MYOCD: variants seen among roughly 807,000 people sequenced by gnomAD.
MYOCD encodes the protein myocardin.
In MYOCD, 32 loss-of-function variants were observed where a neutral mutation model predicts 96.1. That is an observed-to-expected ratio of 0.33 (90% CI 0.25 to 0.45). The LOEUF (loss-of-function observed/expected upper bound fraction) is 0.45, where lower values mean the gene tolerates loss of function less well. Among genes scored for constraint, MYOCD ranks in the 20% least tolerant of loss-of-function variants. The pLI is 1.00. For missense variants in MYOCD, 1,133 were observed against 1,200.6 expected, an observed-to-expected ratio of 0.94 and a Z score of 0.83; for synonymous variants, 469 against 469.0, an observed-to-expected ratio of 1.00 and a Z score of 0.00.
In MYOCD at chr17:12,665,947, G is replaced by A. The variant is rs1314363738; in HGVS notation, c.-242G>A. ...CGCCTGGGATGCCGCGCTGCTCCTG[G>A]CCAACCTCCGAGGAGGAGGAGGGTC... On this transcript the variant is annotated 5_prime_UTR_variant, in exon 1 of 14. It introduces an in-frame stop codon into an upstream open reading frame of the 5' UTR. Transcript: ENST00000425538. The surrounding 1 kb of genome is among the most constrained non-coding windows in gnomAD (Gnocchi z 4.2). 3.7e-6 allele frequency: 2 copies of A among 537,786 alleles called. No homozygotes were observed. Among genetic ancestry groups the A allele is most frequent in the Non-Finnish European group, 3.3e-6 (1 of 302,170 alleles). The allele number at this position is 537,786 out of a possible 1,614,324, so 33.3% of individuals were successfully genotyped here. A position where few individuals can be genotyped will look rare whatever the true frequency, so the allele number is the denominator to read the frequency against.
intron 1 of MYOCD, among the ~76,000 whole-genome samples, chr17:12,686,935 T>C (rs75432983): frequency 0.015 from 2,310 of 152,300 alleles, 18 homozygotes; most frequent in Middle Eastern, 0.031. Context: ...AAGAGCCATG[T>C]TGGTGTAATG....
chr17:12,707,815 T>G (rs2031347963), intron 2 of MYOCD, among the ~76,000 whole-genome samples: 1 of 152,212 alleles, frequency 6.6e-6, no homozygotes, highest in African/African-American at 2.4e-5. Context: ...TATTTTTTCA[T>G]TCTATTATTT....
chr17:12,743,617 C>T (rs905641858), intron 7 of MYOCD, among the ~76,000 whole-genome samples: 2 of 151,358 alleles, frequency 1.3e-5, no homozygotes, highest in Non-Finnish European at 2.9e-5. Flanking sequence ...CTCAGTTTCC[C>T]GAGTAGCTGG....
At chr17:12,717,571 CT>C in intron 4 of MYOCD, 150 bp downstream of exon 4, 1 of 636,448 alleles carries the variant, frequency 1.6e-6, no homozygotes, top group Non-Finnish European at 2.7e-6. Flanking sequence ...TCTAAGCCTT[CT>C]AGGCCACGTA....
chr17:12,748,595 T>C (rs968853406), intron 9 of MYOCD, among the ~76,000 whole-genome samples: 18 of 152,204 alleles, frequency 1.2e-4, no homozygotes, highest in African/African-American at 4.1e-4. Context: ...TATAAACCTT[T>C]GTCCTGAACA....
rs1348946129 is a variant in MYOCD at position 12,767,133 on chromosome 17, T to C, written c.*3489T>C. On this transcript the variant is annotated 3_prime_UTR_variant, in exon 14 of 14. Coordinates refer to ENST00000425538, the MANE Select transcript of MYOCD (RefSeq NM_001146312.3). ...TGATCTATGAACTTCTCAGTTCAGC[T>C]GTCACATTATGAGAAGTAAATCAGA... The C allele has an allele frequency of 6.6e-6, 1 of 152,156 alleles. No homozygotes were observed. Among genetic ancestry groups the C allele is most frequent in the Non-Finnish European group, 1.5e-5 (1 of 68,020 alleles). 9.4% of individuals were successfully genotyped at this position (152,156 alleles called of 1,614,324 possible).
chr17:12,692,534 A>C (rs1567574237), intron 1 of MYOCD, among the ~76,000 whole-genome samples: 1 of 152,120 alleles, frequency 6.6e-6, no homozygotes, highest in Non-Finnish European at 1.5e-5. Flanking sequence ...CGCTTGGCAG[A>C]CTCAAAGTTA....
intron 7 of MYOCD, 125 bp downstream of exon 7, chr17:12,739,453 T>C: frequency 8.8e-7 from 1 of 1,134,286 alleles, no homozygotes; most frequent in Non-Finnish European, 1.2e-6. Context: ...AGGCAGAGGT[T>C]CAGCTCACTA....
At chr17:12,682,304 T>C (rs1381174554) in intron 1 of MYOCD, among the ~76,000 whole-genome samples, 1 of 152,216 alleles carries the variant, frequency 6.6e-6, no homozygotes, top group Non-Finnish European at 1.5e-5. Context: ...AGGAGAGTTG[T>C]ACATATGATG....
intron 5 of MYOCD, among the ~76,000 whole-genome samples, chr17:12,732,457 T>G (rs1177701960): frequency 6.6e-6 from 1 of 152,174 alleles, no homozygotes; most frequent in African/African-American, 2.4e-5. Flanking sequence ...CTTGGACAAC[T>G]TCGCATCGCT....
At chr17:12,731,824 T>C (rs2032180468) in intron 5 of MYOCD, among the ~76,000 whole-genome samples, 1 of 152,210 alleles carries the variant, frequency 6.6e-6, no homozygotes, top group South Asian at 2.1e-4. Context: ...AAGCCACTGC[T>C]ATGTACTTAC....
chr17:12,749,497 C>T (rs1217810767), intron 9 of MYOCD, among the ~76,000 whole-genome samples: 1 of 150,376 alleles, frequency 6.6e-6, no homozygotes, highest in Non-Finnish European at 1.5e-5. Flanking sequence ...CCACTACACT[C>T]CAGCCTGGGT....
Position 12,763,488 on chromosome 17 carries a change from G to C in MYOCD, c.2805G>C (p.Trp935Cys). Residue 935 changes from tryptophan (W) to cysteine (C), a missense_variant, in exon 14 of 14, where the codon TGG becomes TGC. Physicochemically the swap from Trp to Cys is radical, Grantham distance 215. Coordinates refer to ENST00000425538, the MANE Select transcript of MYOCD (RefSeq NM_001146312.3). ...AGTTAAGCTTCACTGAATCTCCCTG[G>C]GAAACCATGGAGTGGCTGGACCTCA... The part of the protein sequence containing the change: ...GLQLSFTESP[W>C]ETMEWLDLTP... 6.2e-7 allele frequency: 1 copy of C among 1,614,132 alleles called. No homozygotes were observed. The highest frequency in any genetic ancestry group is 8.5e-7 in the Non-Finnish European group (1 of 1,180,034).
At chr17:12,668,663 G>A (rs1205624835) in intron 1 of MYOCD, among the ~76,000 whole-genome samples, 31 of 151,360 alleles carry the variant, frequency 2.0e-4, no homozygotes, top group Non-Finnish European at 8.9e-5. Context: ...TGGGTCTCGG[G>A]GGCCAGACTA....
At chr17:12,672,315 C>T (rs1427587531) in intron 1 of MYOCD, 2 of 152,156 alleles carry the variant, frequency 1.3e-5, no homozygotes, top group African/African-American at 2.4e-5. Flanking sequence ...TTTCGATGAA[C>T]ACAAATAGGA....
Position 12,736,361 on chromosome 17 carries a change from A to T in MYOCD, c.591+25A>T, listed in dbSNP as rs764666934. 5 of 1,608,918 alleles carry T rather than the reference A, an allele frequency of 3.1e-6. No homozygotes were observed. The African/African-American group carries it at 5.4e-5, about 17-fold the overall frequency. ...GGTAAAAAACAAAACAAACAAACGA[A>T]AAAAGTAAAACAGCATCTCAGTGTA... is the stretch of plus-strand genomic sequence containing the variant. On this transcript the variant is annotated intron_variant, in intron 6 of 13. Transcript: ENST00000425538.
At chr17:12,738,729 A>G (rs958801243) in intron 6 of MYOCD, among the ~76,000 whole-genome samples, 2 of 151,632 alleles carry the variant, frequency 1.3e-5, no homozygotes, top group Admixed American at 1.3e-4. Context: ...TCATTGTCCT[A>G]CTTTCCCCCC....
chr17:12,689,415 A>G (rs536115862), intron 1 of MYOCD, among the ~76,000 whole-genome samples: 2 of 152,336 alleles, frequency 1.3e-5, no homozygotes, highest in East Asian at 3.9e-4. Flanking sequence ...AAAACAAAAT[A>G]TTTAGGTCAG....
intron 10 of MYOCD, among the ~76,000 whole-genome samples, chr17:12,754,479 A>G (rs1405504301): frequency 6.6e-6 from 1 of 152,216 alleles, no homozygotes; most frequent in African/African-American, 2.4e-5. Context: ...AATGTCGTGG[A>G]TATTTGGGGT....
Sources: gnomAD v4.1 joint callset for allele counts (sites outside exome capture counted in the v4.1 genomes callset) on GRCh38, gnomAD v4.1.1 for gene constraint, Gnocchi (gnomAD v3.1) non-coding constraint, MANE v1.5 for transcripts, NCBI Gene and HGNC (gene_info 2026-07-23, HGNC 2026-07-21) for gene names.